HDAC4: variants seen among roughly 807,000 people sequenced by gnomAD.
The protein encoded by HDAC4 is histone deacetylase A.
A neutral mutation model predicts 135.1 loss-of-function variants in HDAC4; 16 were observed. The observed-to-expected ratio is 0.12, with a 90% CI of 0.08 to 0.18. The LOEUF (loss-of-function observed/expected upper bound fraction) is 0.18. HDAC4 is among the 10% of genes least tolerant of loss of function. HDAC4 has a pLI of 1.00. For synonymous variants in HDAC4, 685 were observed against 653.4 expected (o/e 1.05, Z -0.74); for missense variants, 1,143 against 1,511.8 (o/e 0.76, Z 4.05).
intron 2 of HDAC4, among the ~76,000 whole-genome samples, chr2:239,271,090 A>G (rs934669288): frequency 2.0e-5 from 3 of 152,204 alleles, no homozygotes; most frequent in African/African-American, 7.2e-5. Flanking sequence ...ATTTAAAACC[A>G]GTAAAAAGGT....
chr2:239,280,395 T>C (rs1185634106), intron 2 of HDAC4, among the ~76,000 whole-genome samples: 1 of 152,148 alleles, frequency 6.6e-6, no homozygotes. Flanking sequence ...GAGCTGTTTC[T>C]GGGAAGCCAG....
At chr2:239,236,108 C>CT (rs935666109) in intron 3 of HDAC4, among the ~76,000 whole-genome samples, 1 of 152,102 alleles carries the variant, frequency 6.6e-6, no homozygotes, top group African/African-American at 2.4e-5. Context: ...ACCACCGATA[C>CT]TTTTTTTTGT....
At chr2:239,327,465 G>A (rs1046967167) in intron 2 of HDAC4, among the ~76,000 whole-genome samples, 1 of 152,234 alleles carries the variant, frequency 6.6e-6, no homozygotes, top group Non-Finnish European at 1.5e-5. Flanking sequence ...GCTACAATAC[G>A]GAAGTCTTTT....
chr2:239,334,041 G>A (rs569871215), intron 2 of HDAC4, among the ~76,000 whole-genome samples: 9 of 152,180 alleles, frequency 5.9e-5, no homozygotes, highest in East Asian at 1.9e-4. Flanking sequence ...AACATTCACC[G>A]TCCATAGACA....
intron 1 of HDAC4, among the ~76,000 whole-genome samples, chr2:239,390,558 G>C (rs1046641024): frequency 6.6e-6 from 1 of 151,196 alleles, no homozygotes; most frequent in African/African-American, 2.4e-5. Context: ...TGTCTCAAAA[G>C]ATATATATAT....
chr2:239,099,893 G>A (rs1041746155), intron 16 of HDAC4, among the ~76,000 whole-genome samples: 4 of 152,222 alleles, frequency 2.6e-5, no homozygotes, highest in East Asian at 1.9e-4. Context: ...CGTGTCCTCC[G>A]GTGGCTTCCT....
chr2:239,348,294 G>A (rs928497935), intron 2 of HDAC4, among the ~76,000 whole-genome samples: 5 of 151,896 alleles, frequency 3.3e-5, no homozygotes, highest in East Asian at 3.9e-4. Context: ...GCAAATCCAC[G>A]TCCCAGCAAA....
chr2:239,339,404 G>T (rs577950568), intron 2 of HDAC4, among the ~76,000 whole-genome samples: 3 of 152,182 alleles, frequency 2.0e-5, no homozygotes, highest in Non-Finnish European at 4.4e-5. Context: ...GCCCAGTCCA[G>T]GTCACCCCGG....
intron 3 of HDAC4, among the ~76,000 whole-genome samples, chr2:239,198,143 GT>G (rs2045524770): frequency 6.6e-6 from 1 of 152,122 alleles, no homozygotes; most frequent in Non-Finnish European, 1.5e-5. Context: ...ACCAAGCCTG[GT>G]GACAAGTTTT....
At chr2:239,332,499 C>CA (rs1691653097) in intron 2 of HDAC4, among the ~76,000 whole-genome samples, 1 of 150,808 alleles carries the variant, frequency 6.6e-6, no homozygotes, top group Admixed American at 6.6e-5. Context: ...TAACACAAGT[C>CA]AAAAAAAGAA....
chr2:239,279,313 G>C (rs953283656), intron 2 of HDAC4, among the ~76,000 whole-genome samples: 1 of 152,238 alleles, frequency 6.6e-6, no homozygotes, highest in Non-Finnish European at 1.5e-5. Context: ...TGACTCATTA[G>C]AGGGATCAAT....
rs959702096 is a variant in HDAC4 at position 239,146,221 on chromosome 2, A to G, written c.734-1507T>C. Among the ~76,000 whole-genome samples the G allele has an allele frequency of 6.6e-6, 1 of 152,178 alleles. No individual in the cohort carries two copies. The highest frequency in any genetic ancestry group is 2.4e-5 in the African/African-American group (1 of 41,456). On this transcript the variant is annotated intron_variant, in intron 7 of 26. Coordinates refer to ENST00000543185, the MANE Select transcript of HDAC4 (RefSeq NM_001378414.1). The surrounding 1 kb of genome is among the most constrained non-coding windows in gnomAD (Gnocchi z 4.5). The stretch of plus-strand genomic sequence containing the variant: ...CACGCTGGGTTTCTTGCCATTATTC[A>G]AAAGACAAAACAAAACCAAAAAAAA...
chr2:239,282,183 C>A (rs1191824531), intron 2 of HDAC4, among the ~76,000 whole-genome samples: 1 of 147,528 alleles, frequency 6.8e-6, no homozygotes, highest in Non-Finnish European at 1.5e-5. Flanking sequence ...ACTCTACACA[C>A]AATGTACACA....
intron 15 of HDAC4, among the ~76,000 whole-genome samples, chr2:239,106,572 C>T (rs1243041529): frequency 2.0e-5 from 3 of 152,172 alleles, no homozygotes; most frequent in Admixed American, 2.0e-4. Context: ...GTGGCTCCTC[C>T]CCGCCTTCCT....
chr2:239,313,657 T>A lies in HDAC4; in HGVS notation c.22+39021A>T, dbSNP rs898060686. ...ACACAGAGAAAGTTTCTTATGAAAA[T>A]AAGCGCCTCAAAAGAAAGCCAACGT... On this transcript the variant is annotated intron_variant, in intron 2 of 26. Transcript: ENST00000543185. The surrounding 1 kb of genome is among the most constrained non-coding windows in gnomAD (Gnocchi z 5.1). 1.3e-5 allele frequency among the ~76,000 whole-genome samples: 2 copies of A among 152,072 alleles called. No individual in the cohort carries two copies. Among genetic ancestry groups the A allele is most frequent in the Non-Finnish European group, 2.9e-5 (2 of 68,020 alleles).
intron 2 of HDAC4, among the ~76,000 whole-genome samples, chr2:239,332,040 G>A (rs567681467): frequency 3.0e-4 from 45 of 152,278 alleles, no homozygotes; most frequent in Admixed American, 2.2e-3. Flanking sequence ...CAATTTTATG[G>A]AATAATTTTA....
chr2:239,260,053 T>C (rs2049263501), intron 2 of HDAC4, among the ~76,000 whole-genome samples: 1 of 152,230 alleles, frequency 6.6e-6, no homozygotes, highest in Non-Finnish European at 1.5e-5. Flanking sequence ...CCCAACGCTG[T>C]GATTGATTTC....
intron 2 of HDAC4, among the ~76,000 whole-genome samples, chr2:239,246,147 C>T (rs1054230854): frequency 2.0e-5 from 3 of 152,188 alleles, no homozygotes; most frequent in Non-Finnish European, 2.9e-5. Context: ...GTGATAGGGA[C>T]AAAACGTGCA....
rs1291164857 is a variant in HDAC4 at position 239,400,904 on chromosome 2, G to GGCGGCGGCGGGGACGGTGCTCC, written c.-220+52_-220+73dup. On this transcript the variant is annotated intron_variant, in intron 1 of 26. Coordinates refer to ENST00000543185, the MANE Select transcript of HDAC4 (RefSeq NM_001378414.1). This position sits in a 1 kb window ranked among gnomAD's most constrained non-coding sequence, Gnocchi z 4.7. Reference sequence around the variant, plus strand: ...GTGCGCGGGCTCGGGCTCGGGCTCGGGCGGCGGCGGGGACGGTGCTCCGCG... The same window carrying GGCGGCGGCGGGGACGGTGCTCC: ...GTGCGCGGGCTCGGGCTCGGGCTCGGGCGGCGGCGGGGACGGTGCTCCGCGGCGGCGGGGACGGTGCTCCGCG... 2.0e-5 allele frequency: 3 copies of GGCGGCGGCGGGGACGGTGCTCC among 148,394 alleles called. No individual in the cohort carries two copies. Among genetic ancestry groups the GGCGGCGGCGGGGACGGTGCTCC allele is most frequent in the African/African-American group, 7.3e-5 (3 of 40,904 alleles). 9.2% of individuals were successfully genotyped at this position (148,394 alleles called of 1,614,324 possible).
Sources: gnomAD v4.1 joint callset for allele counts (sites outside exome capture counted in the v4.1 genomes callset) on GRCh38, gnomAD v4.1.1 for gene constraint, Gnocchi (gnomAD v3.1) non-coding constraint, MANE v1.5 for transcripts, NCBI Gene and HGNC (gene_info 2026-07-23, HGNC 2026-07-21) for gene names.